The following F10 variants were observed in gnomAD, a reference collection of about 807,000 sequenced individuals.
F10 encodes coagulation factor X.
F10 carries 29 observed loss-of-function variants against 37.1 expected under a neutral mutation model. The observed-to-expected ratio is 0.78, with a 90% CI of 0.58 to 1.07. The LOEUF (loss-of-function observed/expected upper bound fraction) is 1.07, where lower values mean the gene tolerates loss of function less well. Among genes scored for constraint, F10 ranks in the 50% least tolerant of loss-of-function variants. F10 has a pLI of 0.00. For missense variants in F10, 539 were observed against 667.9 expected, an observed-to-expected ratio of 0.81 and a Z score of 2.13; for synonymous variants, 262 against 268.6, an observed-to-expected ratio of 0.98 and a Z score of 0.24.
chr13:113,148,345 A>AAAATATATATAT (rs1300922846), intron 7 of F10, among the ~76,000 whole-genome samples: 1,056 of 95,260 alleles, frequency 0.011, 18 homozygotes, highest in African/African-American at 0.04. Context: ...AAAAAAAAAA[A>AAAATATATATAT]ATATATATAT....
chr13:113,125,782 G>A (rs915063851), intron 1 of F10, among the ~76,000 whole-genome samples: 4 of 152,346 alleles, frequency 2.6e-5, no homozygotes, highest in East Asian at 3.9e-4. Context: ...GTTAAGTTCC[G>A]GCCGTGCTAG....
Position 113,143,416 on chromosome 13 carries a change from A to G in F10, c.503-435A>G, listed in dbSNP as rs2036550744. Among the ~76,000 whole-genome samples the G allele has an allele frequency of 6.6e-6, 1 of 152,032 alleles. No individual in the cohort carries two copies. The highest frequency in any genetic ancestry group is 6.6e-5 in the Admixed American group (1 of 15,262). On this transcript the variant is annotated intron_variant, in intron 5 of 7. Transcript: ENST00000375559. The surrounding 1 kb of genome is among the most constrained non-coding windows in gnomAD (Gnocchi z 6.8). ...GGAAAAGTTTTCCAACACACAGCACACTGGAAAGAATTTTGCAGGGAGTCG... is the reference window on the plus strand; with the variant it reads ...GGAAAAGTTTTCCAACACACAGCACGCTGGAAAGAATTTTGCAGGGAGTCG...
chr13:113,129,397 G>GGGAGTCTGGGTGAAGA, intron 1 of F10, 55 bp from the exon 2 acceptor site: 1 of 1,605,438 alleles, frequency 6.2e-7, no homozygotes, highest in Non-Finnish European at 8.5e-7. Context: ...ATAGGTGAGG[G>GGGAGTCTGGGTGAAGA]GGAGCCTGGG....
chr13:113,136,633 CTTTTTTTTTTTTTTTTT>C (rs1170291536), intron 2 of F10, among the ~76,000 whole-genome samples: 2 of 6,020 alleles, frequency 3.3e-4, no homozygotes, highest in African/African-American at 6.2e-4. Flanking sequence ...AATTCTTGTA[CTTTTTTTTTTTTTTTTT>C]TTTTTTTTTT....
intron 5 of F10, among the ~76,000 whole-genome samples, chr13:113,142,207 C>T (rs899079527): frequency 8.5e-5 from 13 of 152,068 alleles, no homozygotes; most frequent in South Asian, 6.2e-4. Context: ...GACATACACA[C>T]GAATATTTTT....
rs2036529966 is a variant in F10, at chr13:113,141,758, C to T, written c.502+708C>T. 6.6e-6 allele frequency among the ~76,000 whole-genome samples: 1 copy of T among 152,164 alleles called. No individual in the cohort carries two copies. The highest frequency in any genetic ancestry group is 2.4e-5 in the African/African-American group (1 of 41,444). Reference sequence around the variant, plus strand: ...AGGCGGGGCCTAGGCGTCACAGCTGCACCTTGCACAGCAACCCCACTCCCA... The same window carrying T: ...AGGCGGGGCCTAGGCGTCACAGCTGTACCTTGCACAGCAACCCCACTCCCA... On this transcript the variant is annotated intron_variant, in intron 5 of 7. Transcript: ENST00000375559. This position sits in a 1 kb window ranked among gnomAD's most constrained non-coding sequence, Gnocchi z 5.4.
At position 113,143,729 on chromosome 13, in the gene F10, C is replaced by T; in HGVS notation, c.503-122C>T. 1.4e-6 allele frequency: 2 copies of T among 1,423,996 alleles called. No individual in the cohort carries two copies. Among genetic ancestry groups the T allele is most frequent in the South Asian group, 2.7e-5 (2 of 74,764 alleles). The allele number at this position is 1,423,996 out of a possible 1,614,324, so 88.2% of individuals were successfully genotyped here. A position where few individuals can be genotyped will look rare whatever the true frequency, so the allele number is the denominator to read the frequency against. ...GGGCCTCGCCCTGCAAGCCCGCTGCCCCTCCGGGTGCCCCTGCGCTCTGCC... is the reference window on the plus strand; with the variant it reads ...GGGCCTCGCCCTGCAAGCCCGCTGCTCCTCCGGGTGCCCCTGCGCTCTGCC... On this transcript the variant is annotated intron_variant, in intron 5 of 7. Transcript: ENST00000375559. This position sits in a 1 kb window ranked among gnomAD's most constrained non-coding sequence, Gnocchi z 6.8.
chr13:113,126,755 C>A (rs112367813), intron 1 of F10, among the ~76,000 whole-genome samples: 1 of 152,200 alleles, frequency 6.6e-6, no homozygotes, highest in Non-Finnish European at 1.5e-5. Context: ...CCAGGAGGCC[C>A]GCGAGTCCCA....
chr13:113,141,875 C>A lies in F10; in HGVS notation c.502+825C>A, dbSNP rs533705759. On this transcript the variant is annotated intron_variant, in intron 5 of 7. Coordinates refer to ENST00000375559, the MANE Select transcript of F10 (RefSeq NM_000504.4). This position sits in a 1 kb window ranked among gnomAD's most constrained non-coding sequence, Gnocchi z 5.4. ...GCCCGCCTTTTCAAGAGCCTGGTGA[C>A]CCAGCTCACCTTCCGGCTTCAGGTG... Among the ~76,000 whole-genome samples, 6 of 152,354 alleles carry A rather than the reference C, an allele frequency of 3.9e-5. No individual in the cohort carries two copies. The highest frequency in any genetic ancestry group is 3.9e-4 in the Admixed American group (6 of 15,312).
At chr13:113,134,095 T>A (rs189452530) in intron 2 of F10, among the ~76,000 whole-genome samples, 235 of 152,126 alleles carry the variant, frequency 1.5e-3, no homozygotes, top group Non-Finnish European at 2.6e-3. Flanking sequence ...AAACTGAAGG[T>A]TTTCTCCCTG....
Position 113,141,916 on chromosome 13 carries a change from A to T in F10, c.502+866A>T, listed in dbSNP as rs1276589344. On this transcript the variant is annotated intron_variant, in intron 5 of 7. Coordinates refer to ENST00000375559, the MANE Select transcript of F10 (RefSeq NM_000504.4). The surrounding 1 kb of genome is among the most constrained non-coding windows in gnomAD (Gnocchi z 5.4). ...GCTTCAGGTGCGGCTCAGCCCCCAGACCGTGTTCTGCCCCCGGCTACCATG... is the reference window on the plus strand; with the variant it reads ...GCTTCAGGTGCGGCTCAGCCCCCAGTCCGTGTTCTGCCCCCGGCTACCATG... Among the ~76,000 whole-genome samples, 1 of 152,052 alleles carries T rather than the reference A, an allele frequency of 6.6e-6. No individual in the cohort carries two copies. The highest frequency in any genetic ancestry group is 1.9e-4 in the East Asian group (1 of 5,198).
At position 113,146,408 on chromosome 13, in the gene F10, G is replaced by A. The variant is rs1451761856; in HGVS notation, c.748-971G>A. 6.6e-6 allele frequency among the ~76,000 whole-genome samples: 1 copy of A among 152,148 alleles called. No homozygotes were observed. The highest frequency in any genetic ancestry group is 1.5e-5 in the Non-Finnish European group (1 of 68,014). On this transcript the variant is annotated intron_variant, in intron 6 of 7. Coordinates refer to ENST00000375559, the MANE Select transcript of F10 (RefSeq NM_000504.4). This position sits in a 1 kb window ranked among gnomAD's most constrained non-coding sequence, Gnocchi z 4.5. ...GACTTGGAGCTGCAGGCGGGGTTTTGGAGGGGTTCCTGGGCTGGGGGACCA... is the reference window on the plus strand; with the variant it reads ...GACTTGGAGCTGCAGGCGGGGTTTTAGAGGGGTTCCTGGGCTGGGGGACCA...
rs121964947 is a variant in F10 at position 113,149,062 on chromosome 13, G to A, written c.1012G>A (p.Val338Met). ...LKTPITFRMN[V>M]APACLPERDW... The stretch of plus-strand genomic sequence containing the variant: ...GACCCCCATCACCTTCCGCATGAAC[G>A]TGGCGCCTGCCTGCCTCCCCGAGCG... Residue 338 changes from valine (V) to methionine (M), a missense_variant, in exon 8 of 8, where the codon GTG (valine) becomes ATG (methionine). Val to Met is a conservative substitution (Grantham distance 21). Around this residue, in one of 2 missense-constraint regions of F10, gnomAD observed 409 missense variants for 547.9 expected, o/e 0.75. Transcript: ENST00000375559. This position sits in a 1 kb window ranked among gnomAD's most constrained non-coding sequence, Gnocchi z 7.5. 19 of 1,613,218 alleles carry A rather than the reference G, an allele frequency of 1.2e-5. No homozygotes were observed. The highest frequency in any genetic ancestry group is 1.5e-5 in the Non-Finnish European group (18 of 1,180,024).
intron 2 of F10, among the ~76,000 whole-genome samples, chr13:113,134,436 T>C (rs1381225006): frequency 6.6e-6 from 1 of 152,166 alleles, no homozygotes; most frequent in Non-Finnish European, 1.5e-5. Flanking sequence ...CGTGCTCTTC[T>C]TCACATGGCT....
chr13:113,132,624 G>C (rs1321323185), intron 2 of F10, among the ~76,000 whole-genome samples: 1 of 152,174 alleles, frequency 6.6e-6, no homozygotes, highest in Non-Finnish European at 1.5e-5. Flanking sequence ...GCATGTAGCA[G>C]CTATTTGACG....
chr13:113,129,625 G>A lies in F10; in HGVS notation c.231+13G>A, dbSNP rs779769727. 6.2e-7 allele frequency: 1 copy of A among 1,613,986 alleles called. No homozygotes were observed. Among genetic ancestry groups the A allele is most frequent in the Admixed American group, 1.7e-5 (1 of 60,036 alleles). ...CAGCGACAAGACGGTAAGGGCTGGG[G>A]ATAGCCTGGCTGTTGGTAAGGAGCT... is the stretch of plus-strand genomic sequence containing the variant. On this transcript the variant is annotated intron_variant, in intron 2 of 7. Coordinates refer to ENST00000375559, the MANE Select transcript of F10 (RefSeq NM_000504.4).
Position 113,143,704 on chromosome 13 carries a change from G to GAT in F10, c.503-147_503-146insAT. 3 of 1,188,320 alleles carry GAT rather than the reference G, an allele frequency of 2.5e-6. No homozygotes were observed. Among genetic ancestry groups the GAT allele is most frequent in the Non-Finnish European group, 3.5e-6 (3 of 865,326 alleles). The allele number at this position is 1,188,320 out of a possible 1,614,324, so 73.6% of individuals were successfully genotyped here. A position where few individuals can be genotyped will look rare whatever the true frequency, so the allele number is the denominator to read the frequency against. On this transcript the variant is annotated intron_variant, in intron 5 of 7. Transcript: ENST00000375559. The surrounding 1 kb of genome is among the most constrained non-coding windows in gnomAD (Gnocchi z 6.8). ...AGATCCGACCCCTGCCGACGACGTG[G>GAT]GGCCTCGCCCTGCAAGCCCGCTGCC...
At position 113,144,201 on chromosome 13, in the gene F10, G is replaced by A. The variant is rs992464514; in HGVS notation, c.747+106G>A. ...TGGAATAGCAATCCGGGAAGGAACT[G>A]TTCCGAACTAGGACAGAGGGGCTCC... On this transcript the variant is annotated intron_variant, in intron 6 of 7. Transcript: ENST00000375559. The surrounding 1 kb of genome is among the most constrained non-coding windows in gnomAD (Gnocchi z 6.4). 3 of 1,554,534 alleles carry A rather than the reference G, an allele frequency of 1.9e-6. No individual in the cohort carries two copies. The highest frequency in any genetic ancestry group is 2.3e-5 in the East Asian group (1 of 44,166).
chr13:113,133,259 T>C (rs577898960), intron 2 of F10, among the ~76,000 whole-genome samples: 6 of 150,898 alleles, frequency 4.0e-5, no homozygotes, highest in Non-Finnish European at 5.9e-5. Context: ...ACAAAAATAA[T>C]AGACAAAATT....
Sources: gnomAD v4.1 joint callset for allele counts (sites outside exome capture counted in the v4.1 genomes callset) on GRCh38, gnomAD v4.1.1 for gene constraint, gnomAD v4.1.1 regional missense constraint, Gnocchi (gnomAD v3.1) non-coding constraint, MANE v1.5 for transcripts, NCBI Gene and HGNC (gene_info 2026-07-23, HGNC 2026-07-21) for gene names.